Variants in RIT2 observed in about 807,000 individuals in gnomAD.
RIT2 encodes the protein Ras like without CAAX 2, also known as GTP-binding protein Rit2.
A neutral mutation model predicts 23.7 loss-of-function variants in RIT2; 24 were observed. The observed-to-expected ratio is 1.01, with a 90% CI of 0.73 to 1.43. The LOEUF is 1.43. RIT2 is among the 40% of genes most tolerant of loss of function. The probability of loss-of-function intolerance (pLI) is 0.00; values close to 1 mark genes in which losing one functional copy is unlikely to be tolerated. For synonymous variants in RIT2, 107 were observed against 91.1 expected, an observed-to-expected ratio of 1.17 and a Z score of -0.99; for missense variants, 236 against 266.9, an observed-to-expected ratio of 0.88 and a Z score of 0.81.
At chr18:43,004,620 A>G (rs754808683) in intron 2 of RIT2, among the ~76,000 whole-genome samples, 1 of 151,700 alleles carries the variant, frequency 6.6e-6, no homozygotes, top group Non-Finnish European at 1.5e-5. Flanking sequence ...CTTTGCTCCT[A>G]TACTAATCTT....
intron 1 of RIT2, among the ~76,000 whole-genome samples, chr18:43,094,431 T>C (rs1913502170): frequency 6.6e-6 from 1 of 151,978 alleles, no homozygotes; most frequent in Admixed American, 6.6e-5. Flanking sequence ...CTTGATAGCA[T>C]CATGGATTGT....
chr18:42,977,198 T>C (rs79971117), intron 2 of RIT2, among the ~76,000 whole-genome samples: 5,552 of 152,140 alleles, frequency 0.036, 136 homozygotes, highest in Non-Finnish European at 0.057. Flanking sequence ...TTTATGGTCT[T>C]ATTCATGCCA....
chr18:42,858,103 C>T (rs915100759), intron 4 of RIT2, among the ~76,000 whole-genome samples: 3 of 152,152 alleles, frequency 2.0e-5, no homozygotes, highest in Admixed American at 2.0e-4. Flanking sequence ...ATTGCTTGAA[C>T]CCAGGAGGCG....
intron 1 of RIT2, among the ~76,000 whole-genome samples, chr18:43,039,714 T>C (rs527779123): frequency 6.6e-6 from 1 of 152,172 alleles, no homozygotes; most frequent in Non-Finnish European, 1.5e-5. Context: ...GGTTTAATTG[T>C]ACTTTTTGTT....
At chr18:42,806,019 A>T (rs1344171820) in intron 4 of RIT2, among the ~76,000 whole-genome samples, 1 of 151,468 alleles carries the variant, frequency 6.6e-6, no homozygotes, top group Non-Finnish European at 1.5e-5. Flanking sequence ...ACTTCATGTC[A>T]CAAAAGTGTT....
At chr18:42,863,512 T>C (rs986041142) in intron 4 of RIT2, among the ~76,000 whole-genome samples, 11 of 152,198 alleles carry the variant, frequency 7.2e-5, no homozygotes, top group Non-Finnish European at 1.3e-4. Context: ...TCCTGGTCTC[T>C]GTAGTTCACT....
At chr18:42,754,172 T>G (rs1913109947) in intron 4 of RIT2, among the ~76,000 whole-genome samples, 1 of 152,162 alleles carries the variant, frequency 6.6e-6, no homozygotes, top group African/African-American at 2.4e-5. Flanking sequence ...CGTCCCTCTT[T>G]TAGGAGGGAT....
At chr18:42,804,240 G>A (rs1421635173) in intron 4 of RIT2, among the ~76,000 whole-genome samples, 1 of 152,126 alleles carries the variant, frequency 6.6e-6, no homozygotes, top group East Asian at 1.9e-4. Context: ...CTCCAACATG[G>A]ATTAAGACTT....
At chr18:42,770,590 A>C (rs2143914245) in intron 4 of RIT2, among the ~76,000 whole-genome samples, 1 of 152,342 alleles carries the variant, frequency 6.6e-6, no homozygotes, top group East Asian at 1.9e-4. Flanking sequence ...GAATAGCTGT[A>C]AACTGGAAAA....
At chr18:42,874,796 G>A (rs1219200111) in intron 4 of RIT2, among the ~76,000 whole-genome samples, 1 of 151,946 alleles carries the variant, frequency 6.6e-6, no homozygotes, top group Non-Finnish European at 1.5e-5. Context: ...AAGATCTAGT[G>A]ATGTAATTTT....
intron 3 of RIT2, among the ~76,000 whole-genome samples, chr18:42,938,226 G>C (rs1033414704): frequency 6.6e-6 from 1 of 152,118 alleles, no homozygotes; most frequent in African/African-American, 2.4e-5. Flanking sequence ...TGGCCAAGGG[G>C]ATAAAATAAT....
At chr18:43,091,232 C>T (rs1377617146) in intron 1 of RIT2, among the ~76,000 whole-genome samples, 1 of 151,694 alleles carries the variant, frequency 6.6e-6, no homozygotes, top group African/African-American at 2.4e-5. Context: ...AGATATTGGC[C>T]TTTGTGCTGT....
intron 4 of RIT2, among the ~76,000 whole-genome samples, chr18:42,920,008 C>A (rs1909013726): frequency 6.6e-6 from 1 of 152,086 alleles, no homozygotes; most frequent in Non-Finnish European, 1.5e-5. Flanking sequence ...TTATAAAACA[C>A]AACTTTCCAG....
intron 2 of RIT2, among the ~76,000 whole-genome samples, chr18:42,992,985 A>C (rs542877463): frequency 6.6e-6 from 1 of 152,334 alleles, no homozygotes; most frequent in East Asian, 1.9e-4. Flanking sequence ...ACAGGACTTA[A>C]TCAACCTTGC....
At chr18:42,744,010 C>T (rs916464220) in intron 4 of RIT2, among the ~76,000 whole-genome samples, 7 of 152,142 alleles carry the variant, frequency 4.6e-5, no homozygotes, top group East Asian at 1.9e-4. Context: ...TGAAAATGGT[C>T]GGTCCTTGCC....
intron 1 of RIT2, among the ~76,000 whole-genome samples, chr18:43,088,109 T>C (rs1913328717): frequency 6.6e-6 from 1 of 152,098 alleles, no homozygotes; most frequent in South Asian, 2.1e-4. Context: ...ATCTCAGATG[T>C]CTCCTCTTTG....
intron 4 of RIT2, among the ~76,000 whole-genome samples, chr18:42,759,180 C>T (rs1359375929): frequency 1.3e-5 from 2 of 152,160 alleles, no homozygotes; most frequent in Non-Finnish European, 2.9e-5. Context: ...TAAGGGTCAT[C>T]TTTCAGGACA....
intron 4 of RIT2, among the ~76,000 whole-genome samples, chr18:42,838,629 A>G (rs898110512): frequency 3.3e-5 from 5 of 152,188 alleles, no homozygotes; most frequent in Non-Finnish European, 7.3e-5. Flanking sequence ...ATTAGTACAA[A>G]GCATCAAAAC....
chr18:42,806,273 A>G (rs1475550864), intron 4 of RIT2, among the ~76,000 whole-genome samples: 4 of 151,916 alleles, frequency 2.6e-5, no homozygotes, highest in Non-Finnish European at 1.5e-5. Flanking sequence ...GTTCGAGACC[A>G]GCCTGACCAA....
Sources: allele counts gnomAD v4.1 joint callset (sites outside exome capture counted in the v4.1 genomes callset), GRCh38; gene constraint gnomAD v4.1.1; transcripts MANE v1.5; gene names NCBI Gene and HGNC (gene_info 2026-07-23, HGNC 2026-07-21).